Variants in VPS35L observed in about 807,000 individuals in gnomAD.
The protein encoded by VPS35L is VPS35 endosomal protein-sorting factor-like.
A neutral mutation model predicts 133.0 loss-of-function variants in VPS35L; 83 were observed. The observed-to-expected ratio is 0.62, with a 90% CI of 0.52 to 0.75. The LOEUF is 0.75. Among genes scored for constraint, VPS35L ranks in the 30% least tolerant of loss-of-function variants. The pLI, the probability that VPS35L is intolerant of heterozygous loss-of-function variation, is 0.00. For missense variants in VPS35L, 1,083 were observed against 1,206.8 expected, an observed-to-expected ratio of 0.90 and a Z score of 1.52; for synonymous variants, 423 against 449.9, an observed-to-expected ratio of 0.94 and a Z score of 0.76.
Position 19,700,589 on chromosome 16 carries a change from C to G in VPS35L, c.*113C>G. On this transcript the variant is annotated 3_prime_UTR_variant, in exon 31 of 31. Coordinates refer to ENST00000417362, the MANE Select transcript of VPS35L (RefSeq NM_020314.7). Reference sequence around the variant, plus strand: ...GTTTCTCATTTTTCTTTTCTTTTTACATATGTACAAATTGTTTTAAGCTTT... The same window carrying G: ...GTTTCTCATTTTTCTTTTCTTTTTAGATATGTACAAATTGTTTTAAGCTTT... 1.1e-6 allele frequency: 1 copy of G among 870,976 alleles called. No homozygotes were observed. Among genetic ancestry groups the G allele is most frequent in the South Asian group, 1.6e-5 (1 of 62,544 alleles). 54.0% of individuals were successfully genotyped at this position (870,976 alleles called of 1,614,324 possible). A position where few individuals can be genotyped will look rare whatever the true frequency, so the allele number is the denominator to read the frequency against.
At chr16:19,621,266 A>G (rs1973071116) in intron 14 of VPS35L, among the ~76,000 whole-genome samples, 1 of 152,234 alleles carries the variant, frequency 6.6e-6, no homozygotes, top group African/African-American at 2.4e-5. Flanking sequence ...AGATAAGAAC[A>G]TCAAAGTCCT....
At chr16:19,612,792 G>A (rs930849399) in intron 12 of VPS35L, among the ~76,000 whole-genome samples, 3 of 152,176 alleles carry the variant, frequency 2.0e-5, no homozygotes, top group African/African-American at 7.2e-5. Flanking sequence ...ATGTGAGTTA[G>A]GGTACACGAT....
chr16:19,560,893 T>G (rs1473194362), intron 1 of VPS35L, among the ~76,000 whole-genome samples: 4 of 147,578 alleles, frequency 2.7e-5, no homozygotes, highest in African/African-American at 4.9e-5. Flanking sequence ...ATCCTTTGTG[T>G]TTTTTTTTTT....
At chr16:19,604,612 G>T (rs1332554947) in intron 9 of VPS35L, among the ~76,000 whole-genome samples, 1 of 152,116 alleles carries the variant, frequency 6.6e-6, no homozygotes, top group Admixed American at 6.5e-5. Flanking sequence ...TTTCAAAGTT[G>T]TTGGTGATCT....
At chr16:19,597,536 C>T (rs906364083) in intron 8 of VPS35L, among the ~76,000 whole-genome samples, 8 of 152,090 alleles carry the variant, frequency 5.3e-5, no homozygotes, top group Non-Finnish European at 7.4e-5. Flanking sequence ...AGAGAAACTG[C>T]GCTCGGTACC....
chr16:19,597,388 A>G (rs191627364), intron 8 of VPS35L, among the ~76,000 whole-genome samples: 1 of 151,958 alleles, frequency 6.6e-6, no homozygotes, highest in Non-Finnish European at 1.5e-5. Context: ...AAAAAAAAGA[A>G]AGGAGGAAAA....
chr16:19,682,320 C>T lies in VPS35L; in HGVS notation c.2457C>T (p.Arg819=), dbSNP rs1342059723. ...TWEDNSDEKI[R]IYTCVLHLLS... is the part of the protein sequence containing the mutation. ...AGGACAACAGCGATGAGAAAATCCG[C>T]ATCTACACCTGCGTCCTGCATCTCC... Residue 819 remains arginine (R), a synonymous_variant, in exon 28 of 31, where the codon CGC becomes CGT. Coordinates refer to ENST00000417362, the MANE Select transcript of VPS35L (RefSeq NM_020314.7). The T allele has an allele frequency of 2.5e-6, 4 of 1,612,406 alleles. No homozygotes were observed. Among genetic ancestry groups the T allele is most frequent in the African/African-American group, 2.7e-5 (2 of 74,418 alleles).
rs772414410 is a variant in VPS35L at position 19,642,473 on chromosome 16, T to A, written c.1862T>A (p.Val621Glu). ...LHVCKTMHDSVNALTLEDEKR... is the reference protein window; with the variant it reads ...LHVCKTMHDSENALTLEDEKR... ...GTTTGCAAGACCATGCATGACTCTG[T>A]GAAGTAAGCCATGCTTACAGCTGAA... The change falls in exon 22 of 31, where the codon GTG becomes GAG. Residue 621 changes from valine (V) to glutamate (E), a missense_variant. By Grantham distance (121) the Val-to-Glu change is moderately radical. Transcript: ENST00000417362. 1 of 1,611,374 alleles carries A rather than the reference T, an allele frequency of 6.2e-7. No homozygotes were observed. Among genetic ancestry groups the A allele is most frequent in the Non-Finnish European group, 8.5e-7 (1 of 1,178,046 alleles).
chr16:19,680,247 CTGT>C (rs1232472250), intron 27 of VPS35L, among the ~76,000 whole-genome samples: 2 of 152,188 alleles, frequency 1.3e-5, no homozygotes, highest in African/African-American at 4.8e-5. Flanking sequence ...TTAATATTAG[CTGT>C]TGTTGTTTTC....
At chr16:19,677,362 C>T (rs1201203706) in intron 27 of VPS35L, among the ~76,000 whole-genome samples, 6 of 152,108 alleles carry the variant, frequency 3.9e-5, no homozygotes, top group South Asian at 4.2e-4. Context: ...GAATTACAGG[C>T]GTGAGCCATG....
At chr16:19,630,537 T>C (rs1175001870) in intron 18 of VPS35L, among the ~76,000 whole-genome samples, 2 of 152,004 alleles carry the variant, frequency 1.3e-5, no homozygotes, top group Non-Finnish European at 2.9e-5. Flanking sequence ...GGTTTCACCA[T>C]GTTAGCCAGG....
At chr16:19,564,090 A>T (rs1409039263) in intron 1 of VPS35L, among the ~76,000 whole-genome samples, 1 of 151,950 alleles carries the variant, frequency 6.6e-6, no homozygotes, top group Non-Finnish European at 1.5e-5. Context: ...ATATATATAT[A>T]TTTTTTGAGA....
chr16:19,584,779 A>C lies in VPS35L; in HGVS notation c.639+3126A>C, dbSNP rs1971815034. ...TGATCATTCTGCATTACAGCCTAGA[A>C]GTCCCAGACTCAAGTGATCCTCCCA... On this transcript the variant is annotated intron_variant, in intron 7 of 30. Coordinates refer to ENST00000417362, the MANE Select transcript of VPS35L (RefSeq NM_020314.7). Among the ~76,000 whole-genome samples, 5 of 152,000 alleles carry C rather than the reference A, an allele frequency of 3.3e-5. No individual in the cohort carries two copies. The South Asian group carries it at 1.0e-3, about 32-fold the overall frequency.
At chr16:19,682,102 GT>G in intron 27 of VPS35L, 122 bp from the exon 28 acceptor site, 1 of 1,125,750 alleles carries the variant, frequency 8.9e-7, no homozygotes, top group South Asian at 1.5e-5. Flanking sequence ...CCTTTGTTCA[GT>G]AACTGACAAC....
intron 9 of VPS35L, among the ~76,000 whole-genome samples, chr16:19,605,290 G>GA (rs1447177973): frequency 6.6e-6 from 1 of 152,014 alleles, no homozygotes; most frequent in African/African-American, 2.4e-5. Context: ...GTGGGAGCTA[G>GA]AAAAAAAATC....
At chr16:19,566,849 A>G (rs959686118) in intron 2 of VPS35L, among the ~76,000 whole-genome samples, 3 of 151,958 alleles carry the variant, frequency 2.0e-5, no homozygotes. Context: ...TCCCGGGTTC[A>G]AGTGATTCTC....
At chr16:19,585,688 A>C (rs1231516315) in intron 7 of VPS35L, among the ~76,000 whole-genome samples, 1 of 151,756 alleles carries the variant, frequency 6.6e-6, no homozygotes, top group East Asian at 1.9e-4. Flanking sequence ...TACAGGTCTG[A>C]GCCATCACAC....
At chr16:19,622,140 C>CTTTTTT (rs60521137) in intron 14 of VPS35L, among the ~76,000 whole-genome samples, 1 of 107,914 alleles carries the variant, frequency 9.3e-6, no homozygotes, top group Non-Finnish European at 1.8e-5. Context: ...CCATGTATAT[C>CTTTTTT]TTTTTTTTTT....
chr16:19,629,733 CTTAATG>C, intron 17 of VPS35L, 28 bp from the exon 18 acceptor site: 1 of 1,597,598 alleles, frequency 6.3e-7, no homozygotes, highest in African/African-American at 1.3e-5. Context: ...CTATGTTGTA[CTTAATG>C]TTAAGATGTT....
Sources: allele counts gnomAD v4.1 joint callset (sites outside exome capture counted in the v4.1 genomes callset), GRCh38; gene constraint gnomAD v4.1.1; transcripts MANE v1.5; gene names NCBI Gene and HGNC (gene_info 2026-07-23, HGNC 2026-07-21).